Variants in VAPB observed in about 807,000 individuals in gnomAD.
VAPB encodes the protein VAMP associated protein B and C.
Under a neutral mutation model 25.6 loss-of-function variants are expected in VAPB, and 7 were observed. The observed-to-expected ratio is 0.27, with a 90% CI of 0.16 to 0.51. The LOEUF (loss-of-function observed/expected upper bound fraction) is 0.51. Ranked by LOEUF, VAPB falls within the 20% of genes least tolerant of loss-of-function variation. VAPB has a pLI of 0.97. For synonymous variants in VAPB, 112 were observed against 109.2 expected (o/e 1.03, Z -0.16); for missense variants, 266 against 301.3 (o/e 0.88, Z 0.87).
At chr20:58,431,215 A>G (rs1341194983) in intron 2 of VAPB, 2 of 152,212 alleles carry the variant, frequency 1.3e-5, no homozygotes, top group East Asian at 3.9e-4. Flanking sequence ...GATATCATGC[A>G]TGGATTGTTT....
chr20:58,427,717 A>C (rs1279251250), intron 2 of VAPB, among the ~76,000 whole-genome samples: 1 of 148,182 alleles, frequency 6.7e-6, no homozygotes, highest in African/African-American at 2.5e-5. Context: ...ATCTGTTACC[A>C]TTATGATGCA....
In VAPB at chr20:58,447,607, G is replaced by C; in HGVS notation, c.*3372G>C. 1 of 454,118 alleles carries C rather than the reference G, an allele frequency of 2.2e-6. No homozygotes were observed. The highest frequency in any genetic ancestry group is 1.6e-5 in the South Asian group (1 of 64,474). 28.1% of individuals were successfully genotyped at this position (454,118 alleles called of 1,614,324 possible). A position where few individuals can be genotyped will look rare whatever the true frequency, so the allele number is the denominator to read the frequency against. On this transcript the variant is annotated 3_prime_UTR_variant, in exon 6 of 6. Coordinates refer to ENST00000475243, the MANE Select transcript of VAPB (RefSeq NM_004738.5). ...TCAGATAGAACTGAATGTAGTGAGAGCTCAGAGCTACAGAGCCTTTCAGAT... is the reference window on the plus strand; with the variant it reads ...TCAGATAGAACTGAATGTAGTGAGACCTCAGAGCTACAGAGCCTTTCAGAT...
chr20:58,426,199 T>G (rs1415567973), intron 2 of VAPB, among the ~76,000 whole-genome samples: 1 of 151,982 alleles, frequency 6.6e-6, no homozygotes, highest in Non-Finnish European at 1.5e-5. Flanking sequence ...CCTGGCCTTG[T>G]TTGTTTAGTT....
rs780362103 is a variant in VAPB, at chr20:58,448,000, G to A, written c.*3765G>A. On this transcript the variant is annotated 3_prime_UTR_variant, in exon 6 of 6. Coordinates refer to ENST00000475243, the MANE Select transcript of VAPB (RefSeq NM_004738.5). ...ATGGCATTTCATTGAAGGGCCTCTCGTGGCTTTCCCTGCCCCCGGCTGTCT... is the reference window on the plus strand; with the variant it reads ...ATGGCATTTCATTGAAGGGCCTCTCATGGCTTTCCCTGCCCCCGGCTGTCT... The A allele has an allele frequency of 1.2e-4, 55 of 453,924 alleles. No homozygotes were observed. Among genetic ancestry groups the A allele is most frequent in the Middle Eastern group, 6.9e-4 (1 of 1,442 alleles). 28.1% of individuals were successfully genotyped at this position (453,924 alleles called of 1,614,324 possible). A position where few individuals can be genotyped will look rare whatever the true frequency, so the allele number is the denominator to read the frequency against.
intron 1 of VAPB, among the ~76,000 whole-genome samples, chr20:58,397,637 G>T (rs1347480399): frequency 1.3e-5 from 2 of 152,174 alleles, no homozygotes; most frequent in Non-Finnish European, 2.9e-5. Flanking sequence ...TTGCAGGTTT[G>T]TAGAGTGGGA....
intron 1 of VAPB, among the ~76,000 whole-genome samples, chr20:58,410,614 A>C (rs557251642): frequency 6.6e-6 from 1 of 151,998 alleles, no homozygotes; most frequent in East Asian, 1.9e-4. Context: ...ATGTGGTTTC[A>C]CCATACTGGC....
chr20:58,416,834 A>T (rs1235286903), intron 1 of VAPB, among the ~76,000 whole-genome samples: 1 of 151,920 alleles, frequency 6.6e-6, no homozygotes, highest in African/African-American at 2.4e-5. Context: ...TTTGCTGGAG[A>T]TAATCCACAC....
At chr20:58,427,242 A>C (rs923632734) in intron 2 of VAPB, among the ~76,000 whole-genome samples, 2 of 152,050 alleles carry the variant, frequency 1.3e-5, no homozygotes, top group Non-Finnish European at 2.9e-5. Context: ...ATTATGATGC[A>C]GGCGAAAGTG....
At chr20:58,398,004 C>G (rs892653500) in intron 1 of VAPB, among the ~76,000 whole-genome samples, 5 of 152,154 alleles carry the variant, frequency 3.3e-5, no homozygotes, top group African/African-American at 9.7e-5. Flanking sequence ...ATGTTCCTCA[C>G]CTTACAGCGG....
At chr20:58,423,654 T>C (rs973278932) in intron 2 of VAPB, among the ~76,000 whole-genome samples, 4 of 152,190 alleles carry the variant, frequency 2.6e-5, no homozygotes, top group Non-Finnish European at 5.9e-5. Flanking sequence ...ACAGAGCCCT[T>C]AGACAAAGAA....
At chr20:58,426,466 G>A (rs146566117) in intron 2 of VAPB, among the ~76,000 whole-genome samples, 10 of 152,218 alleles carry the variant, frequency 6.6e-5, no homozygotes, top group Non-Finnish European at 1.2e-4. Context: ...AGGCAGGGCC[G>A]ACATGATAAG....
chr20:58,426,557 C>A (rs572428559), intron 2 of VAPB, among the ~76,000 whole-genome samples: 14 of 152,076 alleles, frequency 9.2e-5, no homozygotes, highest in African/African-American at 3.4e-4. Context: ...GATGCGCACA[C>A]CTGTTGGAGC....
rs376121617 is a variant in VAPB at position 58,444,125 on chromosome 20, A to G, written c.622A>G (p.Ile208Val). 1.9e-6 allele frequency: 3 copies of G among 1,614,138 alleles called. No homozygotes were observed. The highest frequency in any genetic ancestry group is 2.5e-6 in the Non-Finnish European group (3 of 1,180,020). ...GAAGACAGTGCAGAGCAACAGCCCC[A>G]TTTCAGCATTAGCCCCAACTGGGAA... is the stretch of plus-strand genomic sequence containing the variant. ...MRKTVQSNSP[I>V]SALAPTGKEE... Residue 208 changes from isoleucine (I) to valine (V), a missense_variant, in exon 6 of 6, where the codon ATT becomes GTT. Ile to Val is a conservative substitution (Grantham distance 29). Around this residue, in one of 3 missense-constraint regions of VAPB, gnomAD observed 136 missense variants for 130.7 expected, o/e 1.04. Transcript: ENST00000475243.
intron 1 of VAPB, among the ~76,000 whole-genome samples, chr20:58,415,984 T>G (rs964238478): frequency 1.3e-5 from 2 of 152,234 alleles, no homozygotes; most frequent in African/African-American, 4.8e-5. Flanking sequence ...TACAAATATC[T>G]TGATTTTTAC....
rs372873027 is a variant in VAPB at position 58,427,197 on chromosome 20, A to G, written c.212-7405A>G. Among the ~76,000 whole-genome samples the G allele has an allele frequency of 3.2e-3, 480 of 151,516 alleles. 3 individuals are homozygous for G. The highest frequency in any genetic ancestry group is 3.5e-3 in the Non-Finnish European group (239 of 67,926). On this transcript the variant is annotated intron_variant, in intron 2 of 5. Coordinates refer to ENST00000475243, the MANE Select transcript of VAPB (RefSeq NM_004738.5). ...AAGTGATCTGTGATCTGTTACCATT[A>G]TGATGCAGGCGAAAGTGATCCGTGA...
rs1989234970 is a variant in VAPB, at chr20:58,444,568, C to CAT, written c.*333_*334insAT. On this transcript the variant is annotated 3_prime_UTR_variant, in exon 6 of 6. Coordinates refer to ENST00000475243, the MANE Select transcript of VAPB (RefSeq NM_004738.5). The stretch of plus-strand genomic sequence containing the variant: ...GGCCTTGGTACATGATGCTGGATTA[C>CAT]CTCTCTTAAAATGACACCCTTCCTC... 2.1e-6 allele frequency: 1 copy of CAT among 472,146 alleles called. No individual in the cohort carries two copies. Among genetic ancestry groups the CAT allele is most frequent in the African/African-American group, 2.0e-5 (1 of 50,834 alleles). The allele number at this position is 472,146 out of a possible 1,614,324, so 29.2% of individuals were successfully genotyped here. A position where few individuals can be genotyped will look rare whatever the true frequency, so the allele number is the denominator to read the frequency against.
chr20:58,419,605 A>T (rs1201237350), intron 2 of VAPB, among the ~76,000 whole-genome samples: 1 of 152,308 alleles, frequency 6.6e-6, no homozygotes, highest in East Asian at 1.9e-4. Context: ...CTAGCAAATA[A>T]CAGAGCCAAG....
Position 58,434,501 on chromosome 20 carries a change from A to G in VAPB, c.212-101A>G, listed in dbSNP as rs367833165. 7 of 725,268 alleles carry G rather than the reference A, an allele frequency of 9.7e-6. No individual in the cohort carries two copies. The African/African-American group carries it at 1.2e-4, about 13-fold the overall frequency. 44.9% of individuals were successfully genotyped at this position (725,268 alleles called of 1,614,324 possible). On this transcript the variant is annotated intron_variant, in intron 2 of 5. Coordinates refer to ENST00000475243, the MANE Select transcript of VAPB (RefSeq NM_004738.5). ...GGCGTCCATCCTAAGACATAAGAGAATGCCGGTAAATTGCTTTACAACCAA... is the reference window on the plus strand; with the variant it reads ...GGCGTCCATCCTAAGACATAAGAGAGTGCCGGTAAATTGCTTTACAACCAA...
chr20:58,444,177 T>C lies in VAPB; in HGVS notation c.674T>C (p.Leu225Ser), dbSNP rs1439925669. ...GAAGAAGGCCTTAGCACCCGGCTCT[T>C]GGCTCTGGTGGTTTTGTTCTTTATC... Reference protein sequence around the residue: ...GKEEGLSTRLLALVVLFFIVG... With the variant: ...GKEEGLSTRLSALVVLFFIVG... The change falls in exon 6 of 6, where the codon TTG (leucine) becomes TCG (serine). Residue 225 changes from leucine (L) to serine (S), a missense_variant. Physicochemically the swap from Leu to Ser is moderately radical, Grantham distance 145 (BLOSUM62 -2). This residue lies in a region of VAPB where 136 missense variants were observed against 130.7 expected (regional missense o/e 1.04). Transcript: ENST00000475243. 1 of 1,614,220 alleles carries C rather than the reference T, an allele frequency of 6.2e-7. No homozygotes were observed. The highest frequency in any genetic ancestry group is 8.5e-7 in the Non-Finnish European group (1 of 1,180,038).
Sources: gnomAD v4.1 joint callset for allele counts (sites outside exome capture counted in the v4.1 genomes callset) on GRCh38, gnomAD v4.1.1 for gene constraint, gnomAD v4.1.1 regional missense constraint, MANE v1.5 for transcripts, NCBI Gene and HGNC (gene_info 2026-07-23, HGNC 2026-07-21) for gene names.